Variants in NLRP9 observed in about 807,000 individuals in gnomAD.
NLRP9 encodes the protein NLR family pyrin domain containing 9, also known as NACHT, LRR and PYD domains-containing protein 9.
NLRP9 carries 88 observed loss-of-function variants against 83.1 expected under a neutral mutation model. The ratio of observed to expected loss-of-function variants is 1.06; its 90% CI spans 0.89 to 1.26. The LOEUF is 1.26. Among genes scored for constraint, NLRP9 ranks in the 50% most tolerant of loss-of-function variants. NLRP9 has a pLI of 0.00. For missense variants in NLRP9, 1,308 were observed against 1,179.3 expected (o/e 1.11, Z -1.60); for synonymous variants, 521 against 447.6 (o/e 1.16, Z -2.07).
chr19:55,717,027 CTT>C lies in NLRP9; in HGVS notation c.2160-131_2160-130del, dbSNP rs1486881652. ...CGATCCATTATCTACACTACAGACT[CTT>C]TTTCTTTTTTTTTTTTTTTTTTGAG... On this transcript the variant is annotated intron_variant, in intron 4 of 8. Transcript: ENST00000332836. 2,115 of 504,816 alleles carry C rather than the reference CTT, an allele frequency of 4.2e-3. 21 individuals are homozygous for C. The highest frequency in any genetic ancestry group is 0.023 in the African/African-American group (1,092 of 47,226). 31.3% of individuals were successfully genotyped at this position (504,816 alleles called of 1,614,324 possible). A position where few individuals can be genotyped will look rare whatever the true frequency, so the allele number is the denominator to read the frequency against.
chr19:55,715,202 G>C lies in NLRP9; in HGVS notation c.2354C>G (p.Ser785Cys). The change falls in exon 6 of 9, where the codon TCT becomes TGT. Residue 785 changes from serine (S) to cysteine (C), a missense_variant. Transcript: ENST00000332836. ...TTCGGAAATGGAGTCACAGGAGACA[G>C]AGGTGAGACAGCAGTACATCAACCT... is the stretch of plus-strand genomic sequence containing the variant. ...RLMLMYCCLT[S>C]VSCDSISEVL... The C allele has an allele frequency of 6.2e-7, 1 of 1,613,388 alleles. No individual in the cohort carries two copies. Among genetic ancestry groups the C allele is most frequent in the Non-Finnish European group, 8.5e-7 (1 of 1,179,852 alleles).
In NLRP9 at chr19:55,732,158, A is replaced by G; in HGVS notation, c.1673T>C (p.Val558Ala). Residue 558 changes from valine to alanine, a missense_variant, in exon 2 of 9, where the codon GTA (valine) becomes GCA (alanine). Coordinates refer to ENST00000332836, the MANE Select transcript of NLRP9 (RefSeq NM_176820.4). Reference sequence around the variant, plus strand: ...TTCAAAGAAATTCATCACTTTGGTTACAAATTCTTTTTCCTGAGTTTCAAA... The same window carrying G: ...TTCAAAGAAATTCATCACTTTGGTTGCAAATTCTTTTTCCTGAGTTTCAAA... ...GLFETQEKEF[V>A]TKVMNFFEEV... The G allele has an allele frequency of 6.2e-7, 1 of 1,613,202 alleles. No individual in the cohort carries two copies. Among genetic ancestry groups the G allele is most frequent in the South Asian group, 1.1e-5 (1 of 90,750 alleles).
At chr19:55,717,002 C>T (rs1289384591) in intron 4 of NLRP9, 104 bp from the exon 5 acceptor site, 2 of 820,530 alleles carry the variant, frequency 2.4e-6, no homozygotes, top group South Asian at 1.6e-5. Context: ...TTGCACCTGC[C>T]GATCCATTAT....
At position 55,712,431 on chromosome 19, in the gene NLRP9, T is replaced by C. The variant is rs1987772517; in HGVS notation, c.2661A>G (p.Leu887=). 6.2e-7 allele frequency: 1 copy of C among 1,612,392 alleles called. No individual in the cohort carries two copies. Among genetic ancestry groups the C allele is most frequent in the African/African-American group, 1.3e-5 (1 of 74,918 alleles). Reference sequence around the variant, plus strand: ...CAGTAGATACTCACCCGAGACACTCTAATTTACAGTGAGGATGCTGCAAAG... The same window carrying C: ...CAGTAGATACTCACCCGAGACACTCCAATTTACAGTGAGGATGCTGCAAAG... ...CAALQHPHCK[L]ECLGLQTCPI... Residue 887 remains leucine (L), a synonymous_variant, in exon 7 of 9, where the codon TTA becomes TTG. Coordinates refer to ENST00000332836, the MANE Select transcript of NLRP9 (RefSeq NM_176820.4).
intron 4 of NLRP9, among the ~76,000 whole-genome samples, chr19:55,717,342 A>C (rs557788439): frequency 6.6e-6 from 1 of 152,152 alleles, no homozygotes; most frequent in South Asian, 2.1e-4. Flanking sequence ...CACATTACAA[A>C]CTTTTAAGAA....
chr19:55,717,310 T>C (rs1312845932), intron 4 of NLRP9, among the ~76,000 whole-genome samples: 1 of 152,082 alleles, frequency 6.6e-6, no homozygotes, highest in Admixed American at 6.6e-5. Flanking sequence ...TGGGATTACA[T>C]GGATGAGCCA....
rs764602030 is a variant in NLRP9, at chr19:55,708,989, C to G, written c.2899G>C (p.Glu967Gln). The G allele has an allele frequency of 1.3e-6, 2 of 1,595,396 alleles. No homozygotes were observed. The highest frequency in any genetic ancestry group is 1.7e-6 in the Non-Finnish European group (2 of 1,172,890). ...GAAATGGTCAGATGGGGAATTTTTTCTTCCACAGACATCAGGATCTTCTGA... is the reference window on the plus strand; with the variant it reads ...GAAATGGTCAGATGGGGAATTTTTTGTTCCACAGACATCAGGATCTTCTGA... ...ETQKILMSVEEKIPHLTISHG... is the reference protein window; with the variant it reads ...ETQKILMSVEQKIPHLTISHG... The change falls in exon 9 of 9, where the codon GAA (glutamate) becomes CAA (glutamine). Residue 967 changes from glutamate to glutamine, a missense_variant. Transcript: ENST00000332836.
chr19:55,738,345 G>A lies in NLRP9; in HGVS notation c.30C>T (p.Gly10=). 2 of 1,613,346 alleles carry A rather than the reference G, an allele frequency of 1.2e-6. No individual in the cohort carries two copies. The highest frequency in any genetic ancestry group is 1.1e-5 in the South Asian group (1 of 91,040). The change falls in exon 1 of 9, where the codon GGC becomes GGT. Residue 10 remains glycine, a synonymous_variant. Coordinates refer to ENST00000332836, the MANE Select transcript of NLRP9 (RefSeq NM_176820.4). The part of the protein sequence containing the change: MAESFFSDF[G]LLWYLKELRK... ...TGAGCTCCTTCAGATACCACAACAA[G>A]CCAAAATCCGAAAAAAAAGATTCTG...
intron 5 of NLRP9, 83 bp from the exon 6 acceptor site, chr19:55,715,308 G>A: frequency 3.3e-6 from 4 of 1,202,968 alleles, no homozygotes; most frequent in South Asian, 1.5e-5. Context: ...CCAGCCCACT[G>A]AAGCTTCCTA....
chr19:55,711,278 A>G (rs1479660993), intron 8 of NLRP9: 1 of 742,338 alleles, frequency 1.3e-6, no homozygotes, highest in African/African-American at 1.9e-5. Context: ...AAATTAAAAA[A>G]ATAAAATCAG....
rs1026008517 is a variant in NLRP9, at chr19:55,732,427, C to T, written c.1404G>A (p.Pro468=). Residue 468 remains proline, a synonymous_variant, in exon 2 of 9, where the codon CCG becomes CCA. Transcript: ENST00000332836. ...CAAGCTGGGTTATGCTTCCAATGGCCGGGTTAGGATCGTCTTTGGGTCGTT... is the reference window on the plus strand; with the variant it reads ...CAAGCTGGGTTATGCTTCCAATGGCTGGGTTAGGATCGTCTTTGGGTCGTT... ...LLKRPKDDPN[P]AIGSITQLVR... 3.7e-6 allele frequency: 6 copies of T among 1,614,202 alleles called. No individual in the cohort carries two copies. The highest frequency in any genetic ancestry group is 4.2e-6 in the Non-Finnish European group (5 of 1,180,042).
chr19:55,731,982 T>C lies in NLRP9; in HGVS notation c.1832+17A>G, dbSNP rs376131901. 13 of 1,480,706 alleles carry C rather than the reference T, an allele frequency of 8.8e-6. No individual in the cohort carries two copies. The highest frequency in any genetic ancestry group is 1.2e-5 in the Non-Finnish European group (13 of 1,092,592). The allele number at this position is 1,480,706 out of a possible 1,614,324, so 91.7% of individuals were successfully genotyped here. On this transcript the variant is annotated intron_variant, in intron 2 of 8. Coordinates refer to ENST00000332836, the MANE Select transcript of NLRP9 (RefSeq NM_176820.4). ...CAAGTGTAGTGTGTGGGACGGGGGATTAATAGACAGACTCACTCTGAGATG... is the reference window on the plus strand; with the variant it reads ...CAAGTGTAGTGTGTGGGACGGGGGACTAATAGACAGACTCACTCTGAGATG...
In NLRP9 at chr19:55,733,039, C is replaced by CT. The variant is rs745704129; in HGVS notation, c.791dup (p.Met265AspfsTer36). On this transcript the variant is annotated frameshift_variant, in exon 2 of 9. Transcript: ENST00000332836. LOFTEE classifies it high-confidence loss of function. ...TAAGGAGAGAGGATTCTGGAAGCATCTTTTTTTGCAACAAACTGCTCAGGA... is the reference window on the plus strand; with the variant it reads ...TAAGGAGAGAGGATTCTGGAAGCATCTTTTTTTTGCAACAAACTGCTCAGGA... The CT allele has an allele frequency of 2.6e-5, 42 of 1,613,328 alleles. No individual in the cohort carries two copies. Among genetic ancestry groups the CT allele is most frequent in the African/African-American group, 8.0e-5 (6 of 74,850 alleles).
chr19:55,724,056 T>C lies in NLRP9; in HGVS notation c.2083A>G (p.Thr695Ala), dbSNP rs1600136033. 6.2e-7 allele frequency: 1 copy of C among 1,613,762 alleles called. No homozygotes were observed. Among genetic ancestry groups the C allele is most frequent in the African/African-American group, 1.3e-5 (1 of 74,924 alleles). ...CTGATGTCAGACTGGGAGAGGCTAG[T>C]GCCGTACAGGCTCAGAAGTTTCAGA... is the stretch of plus-strand genomic sequence containing the variant. The part of the protein sequence containing the change: ...PHLKLLSLYG[T>A]SLSQSDIRHL... The change falls in exon 4 of 9, where the codon ACT becomes GCT. Residue 695 changes from threonine to alanine, a missense_variant. Physicochemically the swap from Thr to Ala is moderately conservative, Grantham distance 58 (BLOSUM62 0). Transcript: ENST00000332836.
In NLRP9 at chr19:55,712,502, C is replaced by A; in HGVS notation, c.2590G>T (p.Gly864Trp). 1.2e-6 allele frequency: 2 copies of A among 1,612,640 alleles called. No individual in the cohort carries two copies. Among genetic ancestry groups the A allele is most frequent in the East Asian group, 2.2e-5 (1 of 44,818 alleles). The change falls in exon 7 of 9, where the codon GGG (glycine) becomes TGG (tryptophan). Residue 864 changes from glycine to tryptophan, a missense_variant. By Grantham distance (184) the Gly-to-Trp change is radical (BLOSUM62 -2). Coordinates refer to ENST00000332836, the MANE Select transcript of NLRP9 (RefSeq NM_176820.4). Reference protein sequence around the residue: ...CNGKLKTLKLGHNEIGDTGVR... With the variant: ...CNGKLKTLKLWHNEIGDTGVR... ...CCAGTGTCTCCTATTTCATTATGCC[C>A]AAGTTTCAGGGTCTTCAGTTTCCCA...
rs953803353 is a variant in NLRP9, at chr19:55,709,023, A to C, written c.2865T>G (p.Asp955Glu). ...QMLGLHKSGFDEETQKILMSV... is the reference protein window; with the variant it reads ...QMLGLHKSGFEEETQKILMSV... ...ACATCAGGATCTTCTGAGTTTCTTC[A>C]TCAAAGCCAGATTTGTGCAGCCTGG... Residue 955 changes from aspartate (D) to glutamate (E), a missense_variant, in exon 9 of 9, where the codon GAT becomes GAG. Asp to Glu is a conservative substitution (Grantham distance 45, BLOSUM62 2). Coordinates refer to ENST00000332836, the MANE Select transcript of NLRP9 (RefSeq NM_176820.4). 29 of 1,577,256 alleles carry C rather than the reference A, an allele frequency of 1.8e-5. No homozygotes were observed. The highest frequency in any genetic ancestry group is 2.4e-5 in the Non-Finnish European group (28 of 1,168,542).
chr19:55,725,049 A>C (rs1206274044), intron 3 of NLRP9, among the ~76,000 whole-genome samples: 1 of 152,162 alleles, frequency 6.6e-6, no homozygotes, highest in Non-Finnish European at 1.5e-5. Context: ...ACAAGAGTGA[A>C]ACTGTGTCTC....
intron 4 of NLRP9, among the ~76,000 whole-genome samples, chr19:55,719,635 G>A (rs1600132667): frequency 2.0e-5 from 3 of 152,320 alleles, no homozygotes; most frequent in African/African-American, 7.2e-5. Context: ...CGCATAGAAA[G>A]CTCCTCATTC....
In NLRP9 at chr19:55,733,128, A is replaced by C; in HGVS notation, c.703T>G (p.Phe235Val). 6.2e-7 allele frequency: 1 copy of C among 1,614,150 alleles called. No individual in the cohort carries two copies. The highest frequency in any genetic ancestry group is 8.5e-7 in the Non-Finnish European group (1 of 1,180,028). The change falls in exon 2 of 9, where the codon TTT (phenylalanine) becomes GTT (valine). Residue 235 changes from phenylalanine (F) to valine (V), a missense_variant. Physicochemically the swap from Phe to Val is conservative, Grantham distance 50. Transcript: ENST00000332836. ...FIMDGFEQLK[F>V]NLQLKADLSD... ...AAGTCAGCCTTAAGTTGTAAGTTAA[A>C]CTTCAGTTGCTCAAAGCCATCCATG...
Sources: gnomAD v4.1 joint callset for allele counts (sites outside exome capture counted in the v4.1 genomes callset) on GRCh38, gnomAD v4.1.1 for gene constraint, MANE v1.5 for transcripts, NCBI Gene and HGNC (gene_info 2026-07-23, HGNC 2026-07-21) for gene names.